DOCK2: variants seen among roughly 807,000 people sequenced by gnomAD.
DOCK2 encodes dedicator of cytokinesis protein 2.
A neutral mutation model predicts 248.9 loss-of-function variants in DOCK2; 87 were observed. The ratio of observed to expected loss-of-function variants is 0.35; its 90% confidence interval spans 0.29 to 0.42. The LOEUF is 0.42. Among genes scored for constraint, DOCK2 ranks in the 10% least tolerant of loss-of-function variants. The pLI, the probability that DOCK2 is intolerant of heterozygous loss-of-function variation, is 1.00. For synonymous variants in DOCK2, 805 were observed against 821.6 expected (o/e 0.98, Z 0.35); for missense variants, 1,747 against 2,300.2 (o/e 0.76, Z 4.92).
chr5:169,652,036 G>A (rs368275319), intron 1 of DOCK2, among the ~76,000 whole-genome samples: 1 of 152,218 alleles, frequency 6.6e-6, no homozygotes, highest in African/African-American at 2.4e-5. Flanking sequence ...TCGTGTATGG[G>A]CATTAATTTC....
intron 2 of DOCK2, among the ~76,000 whole-genome samples, chr5:169,666,193 G>C (rs773329531): frequency 6.6e-6 from 1 of 152,144 alleles, no homozygotes; most frequent in Admixed American, 6.5e-5. Flanking sequence ...ACATGGCAGA[G>C]AGCAAAGAGA....
intron 26 of DOCK2, among the ~76,000 whole-genome samples, chr5:169,828,943 T>G (rs866226427): frequency 2.0e-5 from 3 of 152,204 alleles, no homozygotes; most frequent in Admixed American, 6.5e-5. Context: ...ATTCACAATC[T>G]ATTTGTTTAA....
intron 27 of DOCK2, among the ~76,000 whole-genome samples, chr5:169,901,460 G>A (rs1773920080): frequency 6.6e-6 from 1 of 152,072 alleles, no homozygotes; most frequent in Non-Finnish European, 1.5e-5. Context: ...TGTGTGTGTA[G>A]GAGAGAGGTA....
chr5:169,836,499 A>C (rs190890047), intron 26 of DOCK2, among the ~76,000 whole-genome samples: 9 of 152,338 alleles, frequency 5.9e-5, no homozygotes, highest in African/African-American at 2.2e-4. Context: ...AATCCAAACA[A>C]AGTTATATTC....
chr5:169,765,103 C>CA (rs55959467), intron 25 of DOCK2, among the ~76,000 whole-genome samples: 25 of 147,928 alleles, frequency 1.7e-4, no homozygotes, highest in African/African-American at 6.1e-4. Flanking sequence ...CACACACACA[C>CA]CCCACACACA....
intron 26 of DOCK2, among the ~76,000 whole-genome samples, chr5:169,808,876 G>A (rs545054782): frequency 5.3e-5 from 8 of 152,272 alleles, no homozygotes; most frequent in Non-Finnish European, 8.8e-5. Context: ...CATCTGAATC[G>A]TGGACATAAG....
At chr5:169,777,309 C>G (rs1420691291) in intron 25 of DOCK2, among the ~76,000 whole-genome samples, 1 of 152,176 alleles carries the variant, frequency 6.6e-6, no homozygotes, top group Non-Finnish European at 1.5e-5. Context: ...CCGCCGTTAT[C>G]CTTGATGGCA....
At chr5:169,718,898 T>G in intron 22 of DOCK2, 107 bp downstream of exon 22, 5 of 1,433,358 alleles carry the variant, frequency 3.5e-6, no homozygotes, top group Non-Finnish European at 4.7e-6. Context: ...TAACCAGCTG[T>G]CGATCAAAAA....
At chr5:169,908,796 C>A (rs151322994) in intron 27 of DOCK2, among the ~76,000 whole-genome samples, 349 of 149,024 alleles carry the variant, frequency 2.3e-3, no homozygotes, top group African/African-American at 8.2e-3. Context: ...CTCACTGCAA[C>A]CTCTGCCTCC....
At chr5:169,766,830 C>T (rs748572488) in intron 25 of DOCK2, among the ~76,000 whole-genome samples, 5 of 152,236 alleles carry the variant, frequency 3.3e-5, no homozygotes, top group Admixed American at 1.3e-4. Context: ...TGCAATGGTG[C>T]GGTCTCAGCT....
intron 40 of DOCK2, among the ~76,000 whole-genome samples, chr5:170,048,061 T>C (rs1476103154): frequency 6.6e-6 from 1 of 152,150 alleles, no homozygotes; most frequent in Admixed American, 6.6e-5. Flanking sequence ...AAATTAAAAC[T>C]AAGAAAATGT....
chr5:169,658,346 G>T (rs2113207794), intron 2 of DOCK2, among the ~76,000 whole-genome samples: 1 of 151,948 alleles, frequency 6.6e-6, no homozygotes, highest in South Asian at 2.1e-4. Context: ...CGGGCGTGGT[G>T]GCAGGTGCCT....
chr5:169,674,005 G>C (rs779002236), intron 5 of DOCK2, among the ~76,000 whole-genome samples: 1 of 152,230 alleles, frequency 6.6e-6, no homozygotes, highest in Non-Finnish European at 1.5e-5. Flanking sequence ...GCAGATGTTC[G>C]TAGCATTCCT....
intron 46 of DOCK2, among the ~76,000 whole-genome samples, chr5:170,070,123 G>C (rs1325431906): frequency 6.6e-6 from 1 of 152,234 alleles, no homozygotes; most frequent in African/African-American, 2.4e-5. Context: ...CCCACTCTGG[G>C]CTCTCAGCAA....
intron 26 of DOCK2, among the ~76,000 whole-genome samples, chr5:169,804,444 G>C (rs1316234397): frequency 2.0e-5 from 1 of 50,526 alleles, no homozygotes; most frequent in African/African-American, 5.0e-5. Flanking sequence ...CAAAGTGTGT[G>C]TGTGTGTGTG....
chr5:169,795,606 G>T (rs879517226), intron 25 of DOCK2, among the ~76,000 whole-genome samples: 2 of 152,178 alleles, frequency 1.3e-5, no homozygotes, highest in Admixed American at 6.5e-5. Context: ...CCCAGTGGGC[G>T]GAATTAGTTT....
intron 25 of DOCK2, among the ~76,000 whole-genome samples, chr5:169,785,892 G>A (rs1162455191): frequency 6.6e-6 from 1 of 152,132 alleles, no homozygotes; most frequent in African/African-American, 2.4e-5. Flanking sequence ...AAAAAAGAAG[G>A]CGGAGTCAAC....
chr5:169,891,466 A>G (rs1773279388), intron 27 of DOCK2, among the ~76,000 whole-genome samples: 1 of 152,232 alleles, frequency 6.6e-6, no homozygotes, highest in Non-Finnish European at 1.5e-5. Flanking sequence ...ATCTTATTTA[A>G]CGATTTTCAA....
Position 169,637,366 on chromosome 5 carries a change from G to T in DOCK2, c.40G>T (p.Val14Leu). ...CAAAGCTGACAAGGAGCGGCACGGC[G>T]TGGGTAGGTGCGGGCCCCAGGGCGC... ...WRKADKERHG[V>L]AIYNFQGSGA... The change falls in exon 1 of 52, where the codon GTG becomes TTG. Residue 14 changes from valine to leucine, a missense_variant. By Grantham distance (32) the Val-to-Leu change is conservative. Coordinates refer to ENST00000520908, the MANE Select transcript of DOCK2 (RefSeq NM_004946.3). 2 of 1,424,510 alleles carry T rather than the reference G, an allele frequency of 1.4e-6. No individual in the cohort carries two copies. The highest frequency in any genetic ancestry group is 1.8e-6 in the Non-Finnish European group (2 of 1,089,662). 88.2% of individuals were successfully genotyped at this position (1,424,510 alleles called of 1,614,324 possible). A position where few individuals can be genotyped will look rare whatever the true frequency, so the allele number is the denominator to read the frequency against.
Sources: gnomAD v4.1 joint callset for allele counts (sites outside exome capture counted in the v4.1 genomes callset) on GRCh38, gnomAD v4.1.1 for gene constraint, MANE v1.5 for transcripts, NCBI Gene and HGNC (gene_info 2026-07-23, HGNC 2026-07-21) for gene names.